The following CRISP1 variants were observed in gnomAD, a reference collection of about 807,000 sequenced individuals.
CRISP1 encodes cysteine-rich secretory protein 1.
In CRISP1, 44 loss-of-function variants were observed where a neutral mutation model predicts 33.1. The ratio of observed to expected loss-of-function variants is 1.33; its 90% CI spans 1.05 to 1.71. The LOEUF is 1.71. CRISP1 is among the 40% of genes most tolerant of loss of function. CRISP1 has a pLI of 0.00. For synonymous variants in CRISP1, 103 were observed against 98.7 expected, an observed-to-expected ratio of 1.04 and a Z score of -0.26; for missense variants, 390 against 301.2, an observed-to-expected ratio of 1.29 and a Z score of -2.18.
chr6:49,847,282 T>C (rs1337797050), intron 4 of CRISP1, among the ~76,000 whole-genome samples: 1 of 152,190 alleles, frequency 6.6e-6, no homozygotes, highest in African/African-American at 2.4e-5. Context: ...GTGAAGGTGA[T>C]ATAGTTTGGA....
intron 3 of CRISP1, 123 bp downstream of exon 3, chr6:49,851,878 A>G (rs1771351790): frequency 5.3e-6 from 6 of 1,127,438 alleles, no homozygotes; most frequent in South Asian, 5.0e-5. Context: ...TTCTTCTGCT[A>G]TGTAAAAGAT....
At chr6:49,854,584 C>T (rs1771442064) in intron 2 of CRISP1, among the ~76,000 whole-genome samples, 2 of 152,292 alleles carry the variant, frequency 1.3e-5, no homozygotes, top group South Asian at 4.1e-4. Flanking sequence ...ATTTCATTTA[C>T]ATCACTTCCC....
chr6:49,837,315 C>T (rs1057282683), intron 7 of CRISP1, among the ~76,000 whole-genome samples: 7 of 152,278 alleles, frequency 4.6e-5, no homozygotes, highest in East Asian at 3.9e-4. Context: ...TAACATTTCT[C>T]TTCCCTACTC....
At chr6:49,866,115 C>T (rs1771793515) in intron 1 of CRISP1, among the ~76,000 whole-genome samples, 1 of 152,084 alleles carries the variant, frequency 6.6e-6, no homozygotes, top group Non-Finnish European at 1.5e-5. Context: ...AAGATGCCTA[C>T]GTTGTCATTT....
At position 49,874,244 on chromosome 6, in the gene CRISP1, A is replaced by G. The variant is rs150333798; in HGVS notation, c.-3+2765T>C. ...TGAATAGTAAATATGGCAATTCTGA[A>G]TAATATTAGAACTAAAACAGTTATA... On this transcript the variant is annotated intron_variant, in intron 1 of 7. Coordinates refer to the CRISP1 transcript ENST00000505118. Among the ~76,000 whole-genome samples, 564 of 152,232 alleles carry G rather than the reference A, an allele frequency of 3.7e-3. 4 individuals carry two copies. Among genetic ancestry groups the G allele is most frequent in the African/African-American group, 0.013 (528 of 41,554 alleles).
At chr6:49,869,991 C>T (rs1200492998), upstream of CRISP1, among the ~76,000 whole-genome samples, 4 of 152,170 alleles carry the variant, frequency 2.6e-5, no homozygotes, top group African/African-American at 9.7e-5. Context: ...GGTCCCTTCT[C>T]AGACTTTAAA....
intron 2 of CRISP1, among the ~76,000 whole-genome samples, chr6:49,853,070 T>C (rs1771399281): frequency 6.6e-6 from 1 of 152,070 alleles, no homozygotes; most frequent in African/African-American, 2.4e-5. Context: ...ATCAACAGTT[T>C]AGGGTAAGGG....
intron 4 of CRISP1, among the ~76,000 whole-genome samples, chr6:49,847,604 T>TA (rs1206109819): frequency 2.0e-5 from 3 of 152,164 alleles, no homozygotes; most frequent in Non-Finnish European, 4.4e-5. Flanking sequence ...CGCAGAGTCA[T>TA]AAGCTAATGA....
chr6:49,849,496 C>T (rs1771284311), intron 3 of CRISP1, among the ~76,000 whole-genome samples: 1 of 152,096 alleles, frequency 6.6e-6, no homozygotes, highest in Non-Finnish European at 1.5e-5. Context: ...CCTTTCTTCC[C>T]AGGCAATGGG....
At chr6:49,852,262 A>C in intron 2 of CRISP1, 133 bp from the exon 3 acceptor site, 1 of 761,198 alleles carries the variant, frequency 1.3e-6, no homozygotes, top group South Asian at 2.1e-5. Flanking sequence ...TGAATTTATA[A>C]TGTCTCATTA....
At chr6:49,838,118 T>C (rs1770863397) in intron 7 of CRISP1, among the ~76,000 whole-genome samples, 1 of 151,898 alleles carries the variant, frequency 6.6e-6, no homozygotes, top group South Asian at 2.1e-4. Context: ...AGTAAGGGGG[T>C]CCAAGAACTT....
chr6:49,836,095 T>C (rs890723987), intron 7 of CRISP1, among the ~76,000 whole-genome samples: 4 of 152,176 alleles, frequency 2.6e-5, no homozygotes, highest in African/African-American at 4.8e-5. Context: ...AAAATATTTT[T>C]TGACCTGAAT....
intron 3 of CRISP1, 63 bp downstream of exon 3, chr6:49,851,938 T>A: frequency 6.5e-7 from 1 of 1,536,344 alleles, no homozygotes; most frequent in Non-Finnish European, 8.7e-7. Context: ...TAGAACTTAA[T>A]AAAACTCAGT....
Position 49,852,042 on chromosome 6 carries a change from T to A in CRISP1, c.154A>T (p.Arg52Trp). ...CTGGCTGGTGGAACTACTCTTCTCC[T>A]GAGGGCGTTGTGTATATTAACGATC... Reference protein sequence around the residue: ...EEIVNIHNALRRRVVPPASNM... With the variant: ...EEIVNIHNALWRRVVPPASNM... Residue 52 changes from arginine to tryptophan, a missense_variant, in exon 3 of 8, where the codon AGG becomes TGG. Arg to Trp is a moderately radical substitution (Grantham distance 101, BLOSUM62 -3). Coordinates refer to ENST00000335847, the MANE Select transcript of CRISP1 (RefSeq NM_001131.3). 1 of 1,612,678 alleles carries A rather than the reference T, an allele frequency of 6.2e-7. No individual in the cohort carries two copies. Among genetic ancestry groups the A allele is most frequent in the Non-Finnish European group, 8.5e-7 (1 of 1,179,384 alleles).
intron 1 of CRISP1, among the ~76,000 whole-genome samples, chr6:49,859,890 T>C (rs955074905): frequency 1.3e-5 from 2 of 152,074 alleles, no homozygotes; most frequent in African/African-American, 2.4e-5. Flanking sequence ...TAAAGATAGA[T>C]ATAGACTGAA....
At chr6:49,848,570 C>T (rs1771257451) in intron 3 of CRISP1, among the ~76,000 whole-genome samples, 1 of 152,142 alleles carries the variant, frequency 6.6e-6, no homozygotes, top group Admixed American at 6.6e-5. Context: ...TAAGTAAATG[C>T]TTCCAGGGAA....
chr6:49,874,322 T>C (rs1200860809), intron 1 of CRISP1, among the ~76,000 whole-genome samples: 1 of 152,044 alleles, frequency 6.6e-6, no homozygotes, highest in African/African-American at 2.4e-5. Context: ...TTTAGAAAAA[T>C]AGACCCAATT....
At chr6:49,842,107 C>A (rs1400156848) in intron 5 of CRISP1, among the ~76,000 whole-genome samples, 1 of 152,180 alleles carries the variant, frequency 6.6e-6, no homozygotes, top group Non-Finnish European at 1.5e-5. Context: ...GAGAGTCATG[C>A]ATGGGTGCCA....
chr6:49,856,312 G>C (rs1480244446), intron 2 of CRISP1, among the ~76,000 whole-genome samples: 1 of 152,154 alleles, frequency 6.6e-6, no homozygotes, highest in Admixed American at 6.6e-5. Flanking sequence ...CATTCCTCTG[G>C]AATGGTGGCT....
Sources: gnomAD v4.1 joint callset for allele counts (sites outside exome capture counted in the v4.1 genomes callset) on GRCh38, gnomAD v4.1.1 for gene constraint, MANE v1.5 for transcripts, NCBI Gene and HGNC (gene_info 2026-07-23, HGNC 2026-07-21) for gene names.